ZNF831: variants seen among roughly 807,000 people sequenced by gnomAD.
ZNF831 encodes chromosome 20 open reading frame 174.
Under a neutral mutation model 95.8 loss-of-function variants are expected in ZNF831, and 59 were observed. The observed-to-expected ratio is 0.62, with a 90% CI of 0.50 to 0.77. ZNF831 has a LOEUF of 0.77. Ranked by LOEUF, ZNF831 falls within the 30% of genes least tolerant of loss-of-function variation. ZNF831 has a pLI of 0.00. For synonymous variants in ZNF831, 961 were observed against 925.5 expected, an observed-to-expected ratio of 1.04 and a Z score of -0.70; for missense variants, 2,205 against 2,164.0, an observed-to-expected ratio of 1.02 and a Z score of -0.38.
chr20:59,240,728 G>A (rs561471301), intron 4 of ZNF831, among the ~76,000 whole-genome samples: 1 of 152,128 alleles, frequency 6.6e-6, no homozygotes, highest in Admixed American at 6.5e-5. Flanking sequence ...CGTGAACCCG[G>A]GAGGCGGAGC....
intron 3 of ZNF831, among the ~76,000 whole-genome samples, chr20:59,203,859 G>A (rs901222008): frequency 7.2e-5 from 11 of 152,148 alleles, no homozygotes; most frequent in Non-Finnish European, 1.6e-4. Flanking sequence ...ATACTCAGAA[G>A]CCTAATTGCC....
In ZNF831 at chr20:59,193,957, G is replaced by T; in HGVS notation, c.2938G>T (p.Val980Phe). ...GTGGCCTGAAGAACGGGCATCATTTGTTGGGTCAGGACTGGGGACCCCTCT... is the reference window on the plus strand; with the variant it reads ...GTGGCCTGAAGAACGGGCATCATTTTTTGGGTCAGGACTGGGGACCCCTCT... ...SGWPEERASF[V>F]GSGLGTPLSP... The change falls in exon 2 of 6, where the codon GTT becomes TTT. Residue 980 changes from valine (V) to phenylalanine (F), a missense_variant. By Grantham distance (50) the Val-to-Phe change is conservative. Coordinates refer to ENST00000371030, the MANE Select transcript of ZNF831 (RefSeq NM_178457.3). 3 of 1,575,716 alleles carry T rather than the reference G, an allele frequency of 1.9e-6. No individual in the cohort carries two copies. The highest frequency in any genetic ancestry group is 2.6e-6 in the Non-Finnish European group (3 of 1,161,166).
At chr20:59,157,418 C>T (rs1003926976) in intron 2 of ZNF831, among the ~76,000 whole-genome samples, 9 of 152,242 alleles carry the variant, frequency 5.9e-5, no homozygotes, top group African/African-American at 2.2e-4. Context: ...ATTCTGAACT[C>T]TGGCTTGGGA....
At chr20:59,125,730 G>T (rs1219705019) in intron 1 of ZNF831, among the ~76,000 whole-genome samples, 5 of 152,180 alleles carry the variant, frequency 3.3e-5, no homozygotes, top group African/African-American at 1.2e-4. Flanking sequence ...TTATGAGAGA[G>T]TTGTTTATTA....
chr20:59,152,723 A>G (rs187955250), intron 2 of ZNF831, among the ~76,000 whole-genome samples: 5 of 152,246 alleles, frequency 3.3e-5, no homozygotes, highest in Admixed American at 3.3e-4. Context: ...GAATGGAAAG[A>G]GCACTTCAGG....
At position 59,169,398 on chromosome 20, in the gene ZNF831, C is replaced by A. The variant is rs981454778; in HGVS notation, c.-37+5191C>A. On this transcript the variant is annotated intron_variant, in intron 1 of 5. Transcript: ENST00000371030. The surrounding 1 kb of genome is among the most constrained non-coding windows in gnomAD (Gnocchi z 4.1). ...TGTCTGCAGGGTCTGTAGTGATAGC[C>A]CATTTTCCTTCCTGACATTGATAGT... 1.3e-5 allele frequency among the ~76,000 whole-genome samples: 2 copies of A among 152,130 alleles called. No homozygotes were observed. The highest frequency in any genetic ancestry group is 2.9e-5 in the Non-Finnish European group (2 of 68,020).
intron 3 of ZNF831, among the ~76,000 whole-genome samples, chr20:59,198,978 C>G (rs1984324029): frequency 6.6e-6 from 1 of 152,076 alleles, no homozygotes; most frequent in African/African-American, 2.4e-5. Flanking sequence ...TATTACTCTG[C>G]CTACCACACT....
At chr20:59,134,589 C>T (rs2146438713) in intron 1 of ZNF831, among the ~76,000 whole-genome samples, 1 of 152,310 alleles carries the variant, frequency 6.6e-6, no homozygotes, top group Admixed American at 6.5e-5. Context: ...ACAAGAGAAA[C>T]CCAGCGGTCC....
chr20:59,140,996 T>C (rs1979660554), intron 1 of ZNF831, among the ~76,000 whole-genome samples: 1 of 152,134 alleles, frequency 6.6e-6, no homozygotes, highest in Non-Finnish European at 1.5e-5. Context: ...TCCTCCCAGG[T>C]TCAAGCAATT....
At chr20:59,174,078 C>A (rs1039600950) in intron 1 of ZNF831, among the ~76,000 whole-genome samples, 1 of 152,108 alleles carries the variant, frequency 6.6e-6, no homozygotes, top group Non-Finnish European at 1.5e-5. Flanking sequence ...GCAGACCATG[C>A]ACAAGCAGAG....
intron 4 of ZNF831, among the ~76,000 whole-genome samples, chr20:59,231,968 C>T (rs1043723992): frequency 6.6e-6 from 1 of 152,236 alleles, no homozygotes; most frequent in African/African-American, 2.4e-5. Context: ...GTCACCACTG[C>T]ATGAAGTGTC....
At chr20:59,244,579 T>C (rs1375376158) in intron 4 of ZNF831, among the ~76,000 whole-genome samples, 1 of 152,204 alleles carries the variant, frequency 6.6e-6, no homozygotes, top group African/African-American at 2.4e-5. Flanking sequence ...AGCATTGACT[T>C]ATCCAAGGAA....
In ZNF831 at chr20:59,254,257, C is replaced by T. The variant is rs755266800; in HGVS notation, c.4548C>T (p.His1516=). The change falls in exon 6 of 6, where the codon CAC becomes CAT. Residue 1516 remains histidine, a synonymous_variant. Transcript: ENST00000371030. The surrounding 1 kb of genome is among the most constrained non-coding windows in gnomAD (Gnocchi z 4.5). ...QEIHSAESRD[H]SQTAGRTLTS... ...TTCACAGTGCTGAATCACGAGACCA[C>T]AGCCAGACTGCAGGGAGGACTCTGA... 8.7e-6 allele frequency: 14 copies of T among 1,613,962 alleles called. No homozygotes were observed. Among genetic ancestry groups the T allele is most frequent in the Admixed American group, 8.3e-5 (5 of 59,996 alleles).
At chr20:59,229,572 T>C (rs1986616680) in intron 4 of ZNF831, among the ~76,000 whole-genome samples, 1 of 152,218 alleles carries the variant, frequency 6.6e-6, no homozygotes, top group Non-Finnish European at 1.5e-5. Context: ...TAGGCATGTG[T>C]AGCAATTTAG....
At chr20:59,164,986 T>G (rs1334984950) in intron 1 of ZNF831, among the ~76,000 whole-genome samples, 1 of 152,210 alleles carries the variant, frequency 6.6e-6, no homozygotes, top group Non-Finnish European at 1.5e-5. Flanking sequence ...CAGGGCCAGT[T>G]TAAAATAATA....
chr20:59,192,675 C>G lies in ZNF831; in HGVS notation c.1656C>G (p.Asp552Glu), dbSNP rs762316981. 2 of 1,553,154 alleles carry G rather than the reference C, an allele frequency of 1.3e-6. No homozygotes were observed. Among genetic ancestry groups the G allele is most frequent in the South Asian group, 1.2e-5 (1 of 83,234 alleles). Reference protein sequence around the residue: ...LGCRSGLSSTDVPSGHPRALV... With the variant: ...LGCRSGLSSTEVPSGHPRALV... ...GCCGCTCGGGACTAAGCTCGACTGACGTTCCCAGTGGGCATCCCCGGGCCC... is the reference window on the plus strand; with the variant it reads ...GCCGCTCGGGACTAAGCTCGACTGAGGTTCCCAGTGGGCATCCCCGGGCCC... The change falls in exon 2 of 6, where the codon GAC becomes GAG. Residue 552 changes from aspartate to glutamate, a missense_variant. Coordinates refer to ENST00000371030, the MANE Select transcript of ZNF831 (RefSeq NM_178457.3). The surrounding 1 kb of genome is among the most constrained non-coding windows in gnomAD (Gnocchi z 5.2).
intron 1 of ZNF831, among the ~76,000 whole-genome samples, chr20:59,171,775 G>A (rs929178503): frequency 9.9e-5 from 15 of 152,146 alleles, no homozygotes; most frequent in African/African-American, 2.2e-4. Flanking sequence ...TCCAGTCCTC[G>A]TTTATATAAT....
intron 1 of ZNF831, among the ~76,000 whole-genome samples, chr20:59,178,859 G>A (rs1027586321): frequency 6.6e-6 from 1 of 152,176 alleles, no homozygotes; most frequent in Non-Finnish European, 1.5e-5. Context: ...AGGCTGTGCA[G>A]CTCATCTGAG....
At chr20:59,215,810 G>A (rs1043057404) in intron 4 of ZNF831, among the ~76,000 whole-genome samples, 5 of 152,150 alleles carry the variant, frequency 3.3e-5, no homozygotes, top group Non-Finnish European at 5.9e-5. Context: ...GCTGTTTATC[G>A]ATACTGAAAA....
Sources: allele counts gnomAD v4.1 joint callset (sites outside exome capture counted in the v4.1 genomes callset), GRCh38; gene constraint gnomAD v4.1.1; non-coding constraint Gnocchi (gnomAD v3.1); transcripts MANE v1.5; gene names NCBI Gene and HGNC (gene_info 2026-07-23, HGNC 2026-07-21).